The following MOV10L1 variants were observed in gnomAD, a reference collection of about 807,000 sequenced individuals.
MOV10L1 encodes Mov10 like RNA helicase 1.
MOV10L1 carries 110 observed loss-of-function variants against 143.8 expected under a neutral mutation model. That is an observed-to-expected ratio of 0.76 (90% confidence interval 0.66 to 0.90). The LOEUF (loss-of-function observed/expected upper bound fraction) is 0.90. Ranked by LOEUF, MOV10L1 falls within the 40% of genes least tolerant of loss-of-function variation. The pLI is 0.00. For synonymous variants in MOV10L1, 593 were observed against 581.1 expected (o/e 1.02, Z -0.29); for missense variants, 1,406 against 1,526.8 (o/e 0.92, Z 1.32).
At chr22:50,112,820 C>T (rs1299580113) in intron 5 of MOV10L1, among the ~76,000 whole-genome samples, 1 of 152,244 alleles carries the variant, frequency 6.6e-6, no homozygotes, top group African/African-American at 2.4e-5. Flanking sequence ...TCGCATCTGA[C>T]GACTCCTTTC....
intron 19 of MOV10L1, among the ~76,000 whole-genome samples, chr22:50,146,719 A>G (rs945261123): frequency 3.3e-5 from 5 of 152,014 alleles, no homozygotes; most frequent in Non-Finnish European, 2.9e-5. Flanking sequence ...GAGGGTGACC[A>G]CAGGAGGTGG....
At chr22:50,118,032 A>C (rs536250756) in intron 9 of MOV10L1, among the ~76,000 whole-genome samples, 2 of 152,160 alleles carry the variant, frequency 1.3e-5, no homozygotes, top group African/African-American at 4.8e-5. Flanking sequence ...GAGCTCTGCT[A>C]CTACCCCAGA....
intron 2 of MOV10L1, 53 bp from the exon 3 acceptor site, chr22:50,099,390 G>T: frequency 6.3e-7 from 1 of 1,581,340 alleles, no homozygotes; most frequent in Admixed American, 1.7e-5. Context: ...CCTGTAGTTT[G>T]CTTTTCTTGT....
chr22:50,104,157 C>T (rs955738847), intron 3 of MOV10L1, among the ~76,000 whole-genome samples: 1 of 152,150 alleles, frequency 6.6e-6, no homozygotes, highest in Non-Finnish European at 1.5e-5. Context: ...AATCTACTAC[C>T]CCTGCTGATC....
At chr22:50,098,939 C>T (rs2062666797) in intron 2 of MOV10L1, among the ~76,000 whole-genome samples, 1 of 152,062 alleles carries the variant, frequency 6.6e-6, no homozygotes, top group African/African-American at 2.4e-5. Flanking sequence ...TGATTTTTTC[C>T]CTCATCTTAT....
At chr22:50,091,850 A>C in intron 1 of MOV10L1, 151 bp from the exon 2 acceptor site, 1 of 674,702 alleles carries the variant, frequency 1.5e-6, no homozygotes, top group Non-Finnish European at 2.5e-6. Flanking sequence ...CTCTGATGGG[A>C]TTCTCTCTGT....
intron 3 of MOV10L1, among the ~76,000 whole-genome samples, chr22:50,104,359 T>C (rs1339105630): frequency 6.6e-6 from 1 of 152,202 alleles, no homozygotes; most frequent in African/African-American, 2.4e-5. Flanking sequence ...TTCTTGGTGC[T>C]TGTGGAAAGC....
intron 5 of MOV10L1, among the ~76,000 whole-genome samples, chr22:50,109,138 G>A (rs879711494): frequency 6.6e-5 from 10 of 151,962 alleles, no homozygotes; most frequent in Middle Eastern, 3.4e-3. Flanking sequence ...GTAAAACTCC[G>A]TCTCAAAAAA....
Position 50,134,591 on chromosome 22 carries a change from A to C in MOV10L1, c.2031A>C (p.Ala677=). Reference sequence around the variant, plus strand: ...AAGTGACGGGAAATTGGAACCATGCACAAGACACCAAAAGCAGTGGACAGT... The same window carrying C: ...AAGTGACGGGAAATTGGAACCATGCCCAAGACACCAAAAGCAGTGGACAGT... ...SPQVTGNWNH[A]QDTKSSGQST... is the part of the protein sequence containing the mutation. The change falls in exon 15 of 27, where the codon GCA becomes GCC. Residue 677 remains alanine (A), a synonymous_variant. Transcript: ENST00000262794. 2 of 1,614,236 alleles carry C rather than the reference A, an allele frequency of 1.2e-6. No individual in the cohort carries two copies. Among genetic ancestry groups the C allele is most frequent in the Non-Finnish European group, 1.7e-6 (2 of 1,180,038 alleles).
chr22:50,144,005 T>G, intron 17 of MOV10L1, 92 bp from the exon 18 acceptor site: 2 of 1,505,894 alleles, frequency 1.3e-6, no homozygotes, highest in Non-Finnish European at 1.8e-6. Flanking sequence ...GCTGAGTCCC[T>G]GCACCCGAAT....
intron 6 of MOV10L1, 110 bp downstream of exon 6, chr22:50,113,898 T>C (rs1436446020): frequency 1.9e-5 from 19 of 1,004,068 alleles, no homozygotes; most frequent in Non-Finnish European, 2.3e-5. Flanking sequence ...TTTTTTTCTT[T>C]ATGAAGATCT....
chr22:50,139,161 G>A (rs965320495), intron 15 of MOV10L1, among the ~76,000 whole-genome samples: 3 of 152,060 alleles, frequency 2.0e-5, no homozygotes, highest in African/African-American at 4.8e-5. Context: ...TTTACCTCAC[G>A]TGGTCTGTAA....
rs1569279975 is a variant in MOV10L1 at position 50,108,803 on chromosome 22, CTA to C, written c.704_705del (p.Tyr235CysfsTer20). On this transcript the variant is annotated frameshift_variant, in exon 5 of 27. Coordinates refer to ENST00000262794, the MANE Select transcript of MOV10L1 (RefSeq NM_018995.3). LOFTEE classifies it high-confidence loss of function. ...TGGTGGTGGAGAGCAGCCAGTCATG[CTA>C]TGTCTGGAGGGCACTTTGTATGACC... ...AVVVESSQSC[Y>X]VWRALCMTLV... 1 of 1,614,154 alleles carries C rather than the reference CTA, an allele frequency of 6.2e-7. No homozygotes were observed. Among genetic ancestry groups the C allele is most frequent in the South Asian group, 1.1e-5 (1 of 91,076 alleles).
Position 50,161,042 on chromosome 22 carries a change from C to T in MOV10L1, c.3541C>T (p.Gln1181Ter). The T allele has an allele frequency of 6.2e-7, 1 of 1,614,022 alleles. No individual in the cohort carries two copies. Among genetic ancestry groups the T allele is most frequent in the Non-Finnish European group, 8.5e-7 (1 of 1,179,958 alleles). The change falls in exon 26 of 27, where the codon CAG becomes TAG. Residue 1181 changes from glutamine to a stop codon, truncating the protein, a stop_gained. Coordinates refer to ENST00000262794, the MANE Select transcript of MOV10L1 (RefSeq NM_018995.3). LOFTEE classifies it low-confidence loss of function (END_TRUNC). ...GGGATGCGATTTACCTCCTGCACTG[C>T]AGTCTCTGCAAAAGTGAGCGCTTCT... ...YMGCDLPPAL[Q>*]SLQNCGEGVA...
Position 50,090,118 on chromosome 22 carries a change from C to T in MOV10L1, c.30C>T (p.Ala10=). Residue 10 remains alanine (A), a synonymous_variant, in exon 1 of 27, where the codon GCC becomes GCT. Coordinates refer to ENST00000262794, the MANE Select transcript of MOV10L1 (RefSeq NM_018995.3). The part of the protein sequence containing the change: MLSLAAKLV[A]FFWRTADTPR... ...TGAGCCTCGCAGCCAAGCTGGTGGC[C>T]TTCTTCTGGAGGACGGCGGACACCC... is the stretch of plus-strand genomic sequence containing the variant. The T allele has an allele frequency of 1.9e-5, 26 of 1,370,004 alleles. No homozygotes were observed. The highest frequency in any genetic ancestry group is 2.4e-5 in the Non-Finnish European group (26 of 1,061,912). 84.9% of individuals were successfully genotyped at this position (1,370,004 alleles called of 1,614,324 possible). A position where few individuals can be genotyped will look rare whatever the true frequency, so the allele number is the denominator to read the frequency against.
At chr22:50,103,833 G>T (rs1306128677) in intron 3 of MOV10L1, among the ~76,000 whole-genome samples, 2 of 152,188 alleles carry the variant, frequency 1.3e-5, no homozygotes. Context: ...TGGCACCAGG[G>T]ACCAGTTTTG....
intron 3 of MOV10L1, among the ~76,000 whole-genome samples, chr22:50,105,926 T>A: frequency 6.6e-6 from 1 of 152,198 alleles, no homozygotes; most frequent in East Asian, 1.9e-4. Flanking sequence ...GTCTGGAGGA[T>A]CACGTGTGCG....
rs748583338 is a variant in MOV10L1 at position 50,158,172 on chromosome 22, G to A, written c.3182G>A (p.Ser1061Asn). 1 of 1,614,176 alleles carries A rather than the reference G, an allele frequency of 6.2e-7. No homozygotes were observed. The highest frequency in any genetic ancestry group is 1.1e-5 in the South Asian group (1 of 91,088). Residue 1061 changes from serine (S) to asparagine (N), a missense_variant, in exon 23 of 27, where the codon AGC becomes AAC. Ser to Asn is a conservative substitution (Grantham distance 46, BLOSUM62 1). Transcript: ENST00000262794. This position sits in a 1 kb window ranked among gnomAD's most constrained non-coding sequence, Gnocchi z 5.0. ...AGCATCTCCAGTCAGGTGTCTGCCA[G>A]CGACATTGGCGTCATCACGCCCTAC... Reference protein sequence around the residue: ...AHSISSQVSASDIGVITPYRK... With the variant: ...AHSISSQVSANDIGVITPYRK...
rs1569300892 is a variant in MOV10L1, at chr22:50,126,225, CAA to C, written c.1772_1773del (p.Gln591ArgfsTer15). 11 of 1,611,258 alleles carry C rather than the reference CAA, an allele frequency of 6.8e-6. No homozygotes were observed. Among genetic ancestry groups the C allele is most frequent in the African/African-American group, 1.3e-5 (1 of 74,924 alleles). On this transcript the variant is annotated frameshift_variant, in exon 12 of 27. Transcript: ENST00000262794. LOFTEE classifies it high-confidence loss of function. Reference sequence around the variant, plus strand: ...AGGTGATAAACTGATTTTAAAAACTCAAGAGTACAATGGACATGCCATCGAAT... The same window carrying C: ...AGGTGATAAACTGATTTTAAAAACTCGAGTACAATGGACATGCCATCGAAT... The part of the protein sequence containing the change: ...YAGDKLILKT[Q>X]EYNGHAIEYI...
Sources: allele counts gnomAD v4.1 joint callset (sites outside exome capture counted in the v4.1 genomes callset), GRCh38; gene constraint gnomAD v4.1.1; non-coding constraint Gnocchi (gnomAD v3.1); transcripts MANE v1.5; gene names NCBI Gene and HGNC (gene_info 2026-07-23, HGNC 2026-07-21).